Variants in CORO2B observed in about 807,000 individuals in gnomAD.
CORO2B encodes the protein coronin-2B.
In CORO2B, 26 loss-of-function variants were observed where a neutral mutation model predicts 58.8. The observed-to-expected ratio is 0.44, with a 90% confidence interval of 0.32 to 0.61. CORO2B has a LOEUF of 0.61. CORO2B is among the 20% of genes least tolerant of loss of function. CORO2B has a pLI of 0.04. For synonymous variants in CORO2B, 242 were observed against 253.8 expected (o/e 0.95, Z 0.44); for missense variants, 460 against 645.1 (o/e 0.71, Z 3.11).
intron 1 of CORO2B, among the ~76,000 whole-genome samples, chr15:68,612,090 A>G (rs897496612): frequency 3.3e-5 from 5 of 152,178 alleles, no homozygotes; most frequent in African/African-American, 9.7e-5. Flanking sequence ...TACTTTCAAG[A>G]AGCATCCCTG....
chr15:68,694,082 C>G (rs910580635), intron 2 of CORO2B, among the ~76,000 whole-genome samples: 1 of 152,052 alleles, frequency 6.6e-6, no homozygotes, highest in Non-Finnish European at 1.5e-5. Context: ...GTGATCTGCC[C>G]GCCTTGGCCT....
intron 2 of CORO2B, among the ~76,000 whole-genome samples, chr15:68,651,019 C>T (rs1205186468): frequency 6.6e-6 from 1 of 151,954 alleles, no homozygotes; most frequent in Non-Finnish European, 1.5e-5. Flanking sequence ...TATGGGCTCG[C>T]GGTAGAAAGT....
At chr15:68,558,584 C>T in the CORO2B span, among the ~76,000 whole-genome samples, 2 of 152,122 alleles carry the variant, frequency 1.3e-5, no homozygotes, top group African/African-American at 2.4e-5. Flanking sequence ...CGTTGTTGCT[C>T]GGGCTGGTTT....
chr15:68,688,425 C>T (rs1903058781), intron 2 of CORO2B, among the ~76,000 whole-genome samples: 1 of 152,084 alleles, frequency 6.6e-6, no homozygotes, highest in South Asian at 2.1e-4. Context: ...CAACATGATG[C>T]TCAAAGTGAA....
chr15:68,646,770 A>G (rs948666428), intron 2 of CORO2B, among the ~76,000 whole-genome samples: 1 of 152,202 alleles, frequency 6.6e-6, no homozygotes, highest in African/African-American at 2.4e-5. Flanking sequence ...CTCCTAGTGA[A>G]CCACACAACA....
At chr15:68,701,478 ATTTTTTTTTTTTT>A (rs71145193) in intron 3 of CORO2B, among the ~76,000 whole-genome samples, 2 of 38,828 alleles carry the variant, frequency 5.2e-5, no homozygotes, top group African/African-American at 2.0e-4. Flanking sequence ...CGCCCGGCTA[ATTTTTTTTTTTTT>A]TTTTTTTTTT....
intron 1 of CORO2B, among the ~76,000 whole-genome samples, chr15:68,642,922 CTG>C (rs1439962394): frequency 6.6e-6 from 1 of 152,218 alleles, no homozygotes; most frequent in Non-Finnish European, 1.5e-5. Flanking sequence ...TCTGTGGAAA[CTG>C]TGGCATCGAG....
At chr15:68,535,534 A>G in the CORO2B span, among the ~76,000 whole-genome samples, 1 of 152,138 alleles carries the variant, frequency 6.6e-6, no homozygotes, top group Non-Finnish European at 1.5e-5. Flanking sequence ...TCTAATTATT[A>G]TTATTATTAT....
At chr15:68,575,006 C>A (rs1206528824), upstream of CORO2B, among the ~76,000 whole-genome samples, 1 of 152,226 alleles carries the variant, frequency 6.6e-6, no homozygotes, top group Non-Finnish European at 1.5e-5. Flanking sequence ...TCCCCTCAGG[C>A]TACCCCACCT....
chr15:68,547,790 T>C, the CORO2B span, among the ~76,000 whole-genome samples: 2 of 152,236 alleles, frequency 1.3e-5, no homozygotes, highest in African/African-American at 4.8e-5. Flanking sequence ...TACAGACATA[T>C]GTTCCATAAA....
Position 68,710,885 on chromosome 15 carries a change from T to C in CORO2B, c.483+4T>C, listed in dbSNP as rs1484669035. Reference sequence around the variant, plus strand: ...CAGCGCTGGCTACGACTACAAGGTATGCAGTGGGCAGGCAGCTGGGTGGAG... The same window carrying C: ...CAGCGCTGGCTACGACTACAAGGTACGCAGTGGGCAGGCAGCTGGGTGGAG... On this transcript the variant is annotated splice_donor_region_variant and intron_variant, in intron 4 of 11. Transcript: ENST00000261861. This position sits in a 1 kb window ranked among gnomAD's most constrained non-coding sequence, Gnocchi z 4.1. The C allele has an allele frequency of 6.3e-7, 1 of 1,592,564 alleles. No individual in the cohort carries two copies. Among genetic ancestry groups the C allele is most frequent in the Non-Finnish European group, 8.6e-7 (1 of 1,167,018 alleles).
chr15:68,629,155 C>T (rs1188803563), intron 1 of CORO2B, among the ~76,000 whole-genome samples: 1 of 152,222 alleles, frequency 6.6e-6, no homozygotes, highest in Non-Finnish European at 1.5e-5. Context: ...GTTGCCCCCT[C>T]AGTGGGGCTG....
rs189152535 is a variant in CORO2B, at chr15:68,654,255, G to A, written c.216+8895G>A. On this transcript the variant is annotated intron_variant, in intron 2 of 11. Transcript: ENST00000261861. ...TTATTTTATTACAAGGTTATGGGAT[G>A]GGTGTTCTCTGGATTTGGAGTCCAG... is the stretch of plus-strand genomic sequence containing the variant. Among the ~76,000 whole-genome samples the A allele has an allele frequency of 4.0e-3, 613 of 152,334 alleles. 5 individuals are homozygous for A. The highest frequency in any genetic ancestry group is 0.014 in the African/African-American group (590 of 41,570).
chr15:68,678,939 G>A (rs1015559953), intron 2 of CORO2B, among the ~76,000 whole-genome samples: 2 of 152,256 alleles, frequency 1.3e-5, no homozygotes, highest in Non-Finnish European at 2.9e-5. Flanking sequence ...CTCAGGGTGT[G>A]TTCCCCTCCC....
At chr15:68,559,647 C>T in the CORO2B span, 1 of 985,240 alleles carries the variant, frequency 1.0e-6, no homozygotes. The surrounding 1 kb of genome is among the most constrained non-coding windows in gnomAD (Gnocchi z 4.3). Flanking sequence ...TTTCCCTAAC[C>T]CTTTCCCTGT....
rs867736022 is a variant in CORO2B at position 68,696,288 on chromosome 15, C to A, written c.333+1032C>A. Among the ~76,000 whole-genome samples the A allele has an allele frequency of 3.3e-5, 5 of 151,506 alleles. No individual in the cohort carries two copies. The South Asian group carries it at 1.0e-3, about 32-fold the overall frequency. ...AAGAGTTCGAGCATGGTGGCACATG[C>A]CTGTAATCCCAGCACTTCGGGAGGC... On this transcript the variant is annotated intron_variant, in intron 3 of 11. Transcript: ENST00000261861.
chr15:68,722,900 T>C (rs1250716865), intron 11 of CORO2B, among the ~76,000 whole-genome samples: 1 of 152,014 alleles, frequency 6.6e-6, no homozygotes, highest in Non-Finnish European at 1.5e-5. Flanking sequence ...AAACCCTGTC[T>C]CTACTAAAAA....
At chr15:68,718,519 C>T (rs1893084003) in intron 8 of CORO2B, among the ~76,000 whole-genome samples, 179 bp from the exon 9 acceptor site, 1 of 152,168 alleles carries the variant, frequency 6.6e-6, no homozygotes, top group African/African-American at 2.4e-5. Flanking sequence ...GAGAAGTGAC[C>T]ACCCAGAGAC....
chr15:68,570,643 A>G, the CORO2B span, among the ~76,000 whole-genome samples: 9 of 152,192 alleles, frequency 5.9e-5, no homozygotes, highest in African/African-American at 1.7e-4. Flanking sequence ...GTGAAGTACA[A>G]TGAAGGCTTT....
Sources: allele counts gnomAD v4.1 joint callset (sites outside exome capture counted in the v4.1 genomes callset), GRCh38; gene constraint gnomAD v4.1.1; non-coding constraint Gnocchi (gnomAD v3.1); transcripts MANE v1.5; gene names NCBI Gene and HGNC (gene_info 2026-07-23, HGNC 2026-07-21).